BMP6: variants seen among roughly 807,000 people sequenced by gnomAD.
BMP6 encodes the protein bone morphogenetic protein 6.
Under a neutral mutation model 54.1 loss-of-function variants are expected in BMP6, and 17 were observed. That is an observed-to-expected ratio of 0.31 (90% CI 0.22 to 0.47). BMP6 has a LOEUF of 0.47. BMP6 is among the 20% of genes least tolerant of loss of function. BMP6 has a pLI of 1.00. For synonymous variants in BMP6, 328 were observed against 291.2 expected, an observed-to-expected ratio of 1.13 and a Z score of -1.28; for missense variants, 720 against 690.4, an observed-to-expected ratio of 1.04 and a Z score of -0.48.
chr6:7,813,108 A>AAAAAAAAATATAT (rs1554122651), intron 1 of BMP6, among the ~76,000 whole-genome samples: 9 of 21,496 alleles, frequency 4.2e-4, no homozygotes, highest in African/African-American at 5.9e-4. Context: ...AAAAAAAAAA[A>AAAAAAAAATATAT]ATATATATAT....
At chr6:7,778,302 G>A (rs543107880) in intron 1 of BMP6, among the ~76,000 whole-genome samples, 1 of 152,230 alleles carries the variant, frequency 6.6e-6, no homozygotes, top group African/African-American at 2.4e-5. Flanking sequence ...TGTATTGAGG[G>A]TACTTGTTCC....
chr6:7,798,806 A>G, intron 1 of BMP6, among the ~76,000 whole-genome samples: 1 of 152,238 alleles, frequency 6.6e-6, no homozygotes, highest in East Asian at 1.9e-4. Context: ...TTAGACTTAG[A>G]CTTTGTAATA....
chr6:7,780,950 A>G (rs959694488), intron 1 of BMP6, among the ~76,000 whole-genome samples: 19 of 152,214 alleles, frequency 1.2e-4, no homozygotes, highest in Non-Finnish European at 2.5e-4. Context: ...AGCTCAAGCA[A>G]TCCTCCTGCC....
chr6:7,786,148 T>G, intron 1 of BMP6, among the ~76,000 whole-genome samples: 1 of 152,194 alleles, frequency 6.6e-6, no homozygotes. Context: ...TTCCTGATAG[T>G]GAAGTTTTCT....
intron 1 of BMP6, among the ~76,000 whole-genome samples, chr6:7,825,595 C>T (rs1758682509): frequency 6.6e-6 from 1 of 152,062 alleles, no homozygotes; most frequent in African/African-American, 2.4e-5. Context: ...TGGCGCATGC[C>T]TGTAATCACT....
At chr6:7,813,471 A>AAC (rs1758471347) in intron 1 of BMP6, among the ~76,000 whole-genome samples, 1 of 145,954 alleles carries the variant, frequency 6.9e-6, no homozygotes, top group East Asian at 2.0e-4. Flanking sequence ...AAAAAAAAAA[A>AAC]AAAAAAAAAA....
At chr6:7,837,569 C>T (rs1167086692) in intron 1 of BMP6, among the ~76,000 whole-genome samples, 2 of 152,028 alleles carry the variant, frequency 1.3e-5, no homozygotes, top group East Asian at 3.9e-4. Context: ...TGTATGTTCT[C>T]ACTTATAAGT....
At position 7,804,715 on chromosome 6, in the gene BMP6, G is replaced by A. The variant is rs903787213; in HGVS notation, c.665-40425G>A. Among the ~76,000 whole-genome samples the A allele has an allele frequency of 7.9e-5, 12 of 152,114 alleles. 1 individual carries two copies. Among genetic ancestry groups the A allele is most frequent in the South Asian group, 2.1e-4 (1 of 4,824 alleles). ...AGAATACACAGATAAAAATATGCTC[G>A]GTCCCTTCACATAGCTTCTATTCTA... On this transcript the variant is annotated intron_variant, in intron 1 of 6. Transcript: ENST00000283147.
chr6:7,802,896 T>C (rs777914127), intron 1 of BMP6, among the ~76,000 whole-genome samples: 1 of 152,196 alleles, frequency 6.6e-6, no homozygotes, highest in Non-Finnish European at 1.5e-5. Context: ...GGTCAGACAC[T>C]CATTTATTCG....
chr6:7,864,189 T>C (rs951568184), intron 4 of BMP6, among the ~76,000 whole-genome samples: 1 of 152,178 alleles, frequency 6.6e-6, no homozygotes, highest in African/African-American at 2.4e-5. Flanking sequence ...TTGCAAATTC[T>C]GGGGTCCTTT....
intron 1 of BMP6, among the ~76,000 whole-genome samples, chr6:7,758,948 A>G (rs1395489880): frequency 3.3e-5 from 5 of 152,230 alleles, no homozygotes; most frequent in African/African-American, 7.2e-5. Flanking sequence ...TGAGTGGTCT[A>G]TTTACTCATC....
chr6:7,747,776 A>T (rs745875340), intron 1 of BMP6, among the ~76,000 whole-genome samples: 4 of 151,752 alleles, frequency 2.6e-5, no homozygotes, highest in Non-Finnish European at 5.9e-5. Flanking sequence ...CCTCCCCAGT[A>T]GCTGAGAGTA....
At chr6:7,747,032 C>G (rs912237433) in intron 1 of BMP6, among the ~76,000 whole-genome samples, 1 of 152,196 alleles carries the variant, frequency 6.6e-6, no homozygotes, top group Admixed American at 6.5e-5. Flanking sequence ...TCCTTTCTAC[C>G]TTCTGAACGA....
intron 1 of BMP6, among the ~76,000 whole-genome samples, chr6:7,761,472 C>T (rs563715233): frequency 6.6e-6 from 1 of 152,310 alleles, no homozygotes; most frequent in South Asian, 2.1e-4. Flanking sequence ...CTGTAATAGA[C>T]TCAGGGTGAT....
At chr6:7,768,778 T>C (rs1220465614) in intron 1 of BMP6, among the ~76,000 whole-genome samples, 1 of 152,198 alleles carries the variant, frequency 6.6e-6, no homozygotes, top group Non-Finnish European at 1.5e-5. Context: ...TCCTGCATCA[T>C]TACTTTGAGC....
rs1359234991 is a variant in BMP6, at chr6:7,727,405, C to G, written c.450C>G (p.Asp150Glu). ...CCCTGTCCGCCGACAACGACGAGGA[C>G]GGGGCGTCGGAGGGGGAGAGGCAGC... ...YNALSADNDE[D>E]GASEGERQQS... Residue 150 changes from aspartate to glutamate, a missense_variant, in exon 1 of 7, where the codon GAC (aspartate) becomes GAG (glutamate). By Grantham distance (45) the Asp-to-Glu change is conservative (BLOSUM62 2). This residue lies in a region of BMP6 where 650 missense variants were observed against 556.3 expected (regional missense o/e 1.17). Coordinates refer to ENST00000283147, the MANE Select transcript of BMP6 (RefSeq NM_001718.6). 1.9e-6 allele frequency: 3 copies of G among 1,605,348 alleles called. No homozygotes were observed. Among genetic ancestry groups the G allele is most frequent in the African/African-American group, 1.3e-5 (1 of 74,510 alleles).
chr6:7,845,090 C>A, intron 1 of BMP6, 50 bp from the exon 2 acceptor site: 2 of 1,520,604 alleles, frequency 1.3e-6, no homozygotes, highest in Admixed American at 1.8e-5. Context: ...AAGCCCGTGG[C>A]ACTTAGTCAA....
intron 4 of BMP6, among the ~76,000 whole-genome samples, chr6:7,864,460 C>T (rs1174779617): frequency 6.6e-6 from 1 of 152,132 alleles, no homozygotes; most frequent in African/African-American, 2.4e-5. Flanking sequence ...GTTCTCAGGG[C>T]ATATGTTGGG....
chr6:7,856,595 A>ATTTTTTTTTTTTTT (rs70982115), intron 2 of BMP6, among the ~76,000 whole-genome samples: 24 of 83,040 alleles, frequency 2.9e-4, no homozygotes, highest in African/African-American at 5.7e-4. Flanking sequence ...TATCAAGAGC[A>ATTTTTTTTTTTTTT]TTTTTTTTTT....
Sources: allele counts gnomAD v4.1 joint callset (sites outside exome capture counted in the v4.1 genomes callset), GRCh38; gene constraint gnomAD v4.1.1; regional missense constraint gnomAD v4.1.1; transcripts MANE v1.5; gene names NCBI Gene and HGNC (gene_info 2026-07-23, HGNC 2026-07-21).